FAM135A: variants seen among roughly 807,000 people sequenced by gnomAD.
FAM135A encodes protein FAM135A.
Under a neutral mutation model 146.8 loss-of-function variants are expected in FAM135A, and 79 were observed. That is an observed-to-expected ratio of 0.54 (90% CI 0.45 to 0.65). The LOEUF (loss-of-function observed/expected upper bound fraction) is 0.65. Among genes scored for constraint, FAM135A ranks in the 30% least tolerant of loss-of-function variants. FAM135A has a pLI of 0.00. For missense variants in FAM135A, 1,623 were observed against 1,758.2 expected (o/e 0.92, Z 1.38); for synonymous variants, 562 against 603.6 (o/e 0.93, Z 1.01).
At chr6:70,555,728 AGG>A (rs140142745) in intron 20 of FAM135A, among the ~76,000 whole-genome samples, 1 of 151,626 alleles carries the variant, frequency 6.6e-6, no homozygotes, top group African/African-American at 2.4e-5. Context: ...GTGAGAATGA[AGG>A]GGGGGGAGTC....
chr6:70,478,966 T>C (rs1188418052), intron 8 of FAM135A, among the ~76,000 whole-genome samples: 1 of 152,172 alleles, frequency 6.6e-6, no homozygotes, highest in Non-Finnish European at 1.5e-5. Flanking sequence ...ACAGTATTGC[T>C]TTTATATGAT....
At chr6:70,511,970 G>A (rs1204845085) in intron 12 of FAM135A, among the ~76,000 whole-genome samples, 2 of 151,942 alleles carry the variant, frequency 1.3e-5, no homozygotes, top group East Asian at 1.9e-4. Flanking sequence ...CATCCTATAC[G>A]CGATCCATCA....
Position 70,459,354 on chromosome 6 carries a change from A to C in FAM135A, c.157+6783A>C, listed in dbSNP as rs566610638. ...TTGAGTGGGATGGGAATTAGATAGT[A>C]TTATACAGCTTATTGCCATACATTT... is the stretch of plus-strand genomic sequence containing the variant. On this transcript the variant is annotated intron_variant, in intron 5 of 21. Coordinates refer to ENST00000418814, the MANE Select transcript of FAM135A (RefSeq NM_001162529.3). Among the ~76,000 whole-genome samples the C allele has an allele frequency of 2.6e-5, 4 of 152,338 alleles. No homozygotes were observed. In the East Asian group the frequency reaches 5.8e-4, roughly 22 times the overall value.
At chr6:70,456,133 C>A (rs762291005) in intron 5 of FAM135A, among the ~76,000 whole-genome samples, 3 of 152,178 alleles carry the variant, frequency 2.0e-5, no homozygotes, top group Non-Finnish European at 4.4e-5. Flanking sequence ...TAATTCTTAA[C>A]CACTAAAGTT....
chr6:70,493,336 G>GA (rs1337603071), intron 11 of FAM135A, among the ~76,000 whole-genome samples: 1 of 151,980 alleles, frequency 6.6e-6, no homozygotes, highest in Admixed American at 6.6e-5. Context: ...CAGTAATACA[G>GA]AAAAAAAGTG....
At chr6:70,461,813 C>T (rs1020466496) in intron 5 of FAM135A, among the ~76,000 whole-genome samples, 2 of 152,236 alleles carry the variant, frequency 1.3e-5, no homozygotes, top group Admixed American at 6.5e-5. Flanking sequence ...TTCTGCCACT[C>T]ACTAGCTATT....
chr6:70,448,778 G>A (rs9455115), intron 4 of FAM135A, among the ~76,000 whole-genome samples: 2,702 of 152,350 alleles, frequency 0.018, 72 homozygotes, highest in African/African-American at 0.062. Flanking sequence ...AAAGGGATGG[G>A]CCGAAATAAA....
intron 20 of FAM135A, among the ~76,000 whole-genome samples, chr6:70,545,002 G>T (rs1421132083): frequency 6.6e-6 from 1 of 151,226 alleles, no homozygotes; most frequent in East Asian, 2.0e-4. Flanking sequence ...AGTGAGCCAA[G>T]ATCGCACCAT....
intron 20 of FAM135A, among the ~76,000 whole-genome samples, chr6:70,556,523 C>T (rs1429216208): frequency 2.0e-5 from 3 of 152,210 alleles, no homozygotes; most frequent in Non-Finnish European, 4.4e-5. Flanking sequence ...TGCCTGCTCC[C>T]AGTGCAAACA....
chr6:70,423,838 G>C (rs1769406543), intron 2 of FAM135A, among the ~76,000 whole-genome samples: 1 of 152,148 alleles, frequency 6.6e-6, no homozygotes. Context: ...CCATCCATTA[G>C]TTGCATTAAT....
intron 3 of FAM135A, among the ~76,000 whole-genome samples, chr6:70,427,947 A>G (rs908543472): frequency 5.3e-5 from 8 of 152,212 alleles, no homozygotes; most frequent in Admixed American, 5.2e-4. Flanking sequence ...GCAATGTAGC[A>G]CAAGAAGAGA....
intron 2 of FAM135A, among the ~76,000 whole-genome samples, chr6:70,416,635 T>C (rs1767633650): frequency 6.6e-6 from 1 of 152,066 alleles, no homozygotes; most frequent in Non-Finnish European, 1.5e-5. Context: ...TAGAGATGAC[T>C]AGGAATAAGG....
intron 12 of FAM135A, among the ~76,000 whole-genome samples, chr6:70,505,148 A>G (rs1160945501): frequency 1.3e-5 from 2 of 152,092 alleles, no homozygotes; most frequent in African/African-American, 2.4e-5. Flanking sequence ...AATTATAGAC[A>G]TAGTATTCTT....
chr6:70,488,115 T>C (rs1785072632), intron 10 of FAM135A, among the ~76,000 whole-genome samples: 1 of 152,180 alleles, frequency 6.6e-6, no homozygotes, highest in Non-Finnish European at 1.5e-5. Flanking sequence ...CTAGGTAGTA[T>C]GTAAAGATAC....
At position 70,525,638 on chromosome 6, in the gene FAM135A, G is replaced by C; in HGVS notation, c.2554G>C (p.Asp852His). ...SLPSDDELSP[D>H]ENSKKSVVPE... ...ACCCTCCGATGATGAACTGTCACCTGATGAAAATTCTAAGAAATCTGTTGT... is the reference window on the plus strand; with the variant it reads ...ACCCTCCGATGATGAACTGTCACCTCATGAAAATTCTAAGAAATCTGTTGT... Residue 852 changes from aspartate to histidine, a missense_variant, in exon 15 of 22, where the codon GAT (aspartate) becomes CAT (histidine). By Grantham distance (81) the Asp-to-His change is moderately conservative (BLOSUM62 -1). Coordinates refer to ENST00000418814, the MANE Select transcript of FAM135A (RefSeq NM_001162529.3). 1 of 1,612,916 alleles carries C rather than the reference G, an allele frequency of 6.2e-7. No individual in the cohort carries two copies. Among genetic ancestry groups the C allele is most frequent in the Non-Finnish European group, 8.5e-7 (1 of 1,179,524 alleles).
chr6:70,506,245 C>T (rs1244301082), intron 12 of FAM135A, among the ~76,000 whole-genome samples: 1 of 152,054 alleles, frequency 6.6e-6, no homozygotes, highest in Non-Finnish European at 1.5e-5. Flanking sequence ...GAAAGGCAGT[C>T]CACCTCTATA....
At chr6:70,500,575 T>A (rs1788265350) in intron 11 of FAM135A, among the ~76,000 whole-genome samples, 1 of 152,244 alleles carries the variant, frequency 6.6e-6, no homozygotes, top group African/African-American at 2.4e-5. Flanking sequence ...TTTTTGGAAT[T>A]TTCAGCACTT....
intron 4 of FAM135A, among the ~76,000 whole-genome samples, chr6:70,446,771 C>T (rs906870915): frequency 3.3e-5 from 5 of 152,136 alleles, no homozygotes; most frequent in East Asian, 1.9e-4. Flanking sequence ...TGGTGATCAC[C>T]GCTCTCATAA....
chr6:70,455,564 C>T (rs188684838), intron 5 of FAM135A, among the ~76,000 whole-genome samples: 3 of 152,088 alleles, frequency 2.0e-5, no homozygotes, highest in Admixed American at 1.3e-4. Context: ...TCTACTTTCA[C>T]GAAACATAGA....
Sources: allele counts gnomAD v4.1 joint callset (sites outside exome capture counted in the v4.1 genomes callset), GRCh38; gene constraint gnomAD v4.1.1; transcripts MANE v1.5; gene names NCBI Gene and HGNC (gene_info 2026-07-23, HGNC 2026-07-21).